Variants in ADGRB3 observed in about 807,000 individuals in gnomAD.
ADGRB3 encodes brain-specific angiogenesis inhibitor 3.
In ADGRB3, 37 loss-of-function variants were observed where a neutral mutation model predicts 193.4. The ratio of observed to expected loss-of-function variants is 0.19; its 90% CI spans 0.15 to 0.25. The LOEUF (loss-of-function observed/expected upper bound fraction) is 0.25, where lower values mean the gene tolerates loss of function less well. Among genes scored for constraint, ADGRB3 ranks in the 10% least tolerant of loss-of-function variants. The pLI is 1.00. For missense variants in ADGRB3, 1,637 were observed against 1,852.9 expected (o/e 0.88, Z 2.14); for synonymous variants, 690 against 644.2 (o/e 1.07, Z -1.08).
rs568455951 is a variant in ADGRB3 at position 69,122,717 on chromosome 6, T to C, written c.2480+46679T>C. 2.6e-5 allele frequency among the ~76,000 whole-genome samples: 4 copies of C among 152,102 alleles called. No individual in the cohort carries two copies. The East Asian group carries it at 7.8e-4, about 30-fold the overall frequency. On this transcript the variant is annotated intron_variant, in intron 17 of 31. Coordinates refer to ENST00000370598, the MANE Select transcript of ADGRB3 (RefSeq NM_001704.3). ...TGCAAGAAAGGATATTCAAGCTATT[T>C]GCTAAGACCAAGTCTATTTTTTCAG...
chr6:69,197,562 A>G (rs1704021704), intron 17 of ADGRB3, among the ~76,000 whole-genome samples: 1 of 152,070 alleles, frequency 6.6e-6, no homozygotes, highest in African/African-American at 2.4e-5. Context: ...AAGGACATAA[A>G]TACCATATCT....
chr6:69,190,302 C>A (rs1765160524), intron 17 of ADGRB3, among the ~76,000 whole-genome samples: 1 of 151,988 alleles, frequency 6.6e-6, no homozygotes, highest in South Asian at 2.1e-4. Context: ...AGGTGGAAGG[C>A]AGTAATACTG....
At chr6:69,235,722 T>C (rs1297237286) in intron 19 of ADGRB3, among the ~76,000 whole-genome samples, 1 of 151,972 alleles carries the variant, frequency 6.6e-6, no homozygotes, top group Non-Finnish European at 1.5e-5. Flanking sequence ...CAAGGGGAAG[T>C]TATTGAAAAA....
Position 69,334,546 on chromosome 6 carries a change from C to T in ADGRB3, c.3188+1538C>T, listed in dbSNP as rs140770972. ...TCTGTAACAACCTTAAATATGTAGA[C>T]TTGAACGTAGTACAAGCACAGCTTT... is the stretch of plus-strand genomic sequence containing the variant. On this transcript the variant is annotated intron_variant, in intron 24 of 31. Coordinates refer to ENST00000370598, the MANE Select transcript of ADGRB3 (RefSeq NM_001704.3). Among the ~76,000 whole-genome samples the T allele has an allele frequency of 1.9e-3, 293 of 152,284 alleles. 1 individual carries two copies. The highest frequency in any genetic ancestry group is 3.3e-3 in the Non-Finnish European group (224 of 68,010).
intron 3 of ADGRB3, among the ~76,000 whole-genome samples, chr6:68,867,471 C>A (rs1562063296): frequency 6.6e-6 from 1 of 152,208 alleles, no homozygotes; most frequent in Non-Finnish European, 1.5e-5. Flanking sequence ...TCATGGAGAA[C>A]CTCTACTAGG....
intron 3 of ADGRB3, among the ~76,000 whole-genome samples, chr6:68,917,692 C>G (rs559170586): frequency 6.6e-6 from 1 of 152,200 alleles, no homozygotes; most frequent in South Asian, 2.1e-4. Context: ...AAAAATTAAA[C>G]TAATCTCTTT....
At position 68,790,821 on chromosome 6, in the gene ADGRB3, A is replaced by C. The variant is rs1767091133; in HGVS notation, c.758-139738A>C. On this transcript the variant is annotated intron_variant, in intron 3 of 31. Coordinates refer to ENST00000370598, the MANE Select transcript of ADGRB3 (RefSeq NM_001704.3). ...ATCATCAAAGACCAATGGTAGATAAAACCACAAAGATGGGAAAAAAACAGA... is the reference window on the plus strand; with the variant it reads ...ATCATCAAAGACCAATGGTAGATAACACCACAAAGATGGGAAAAAAACAGA... Among the ~76,000 whole-genome samples, 4 of 152,130 alleles carry C rather than the reference A, an allele frequency of 2.6e-5. No homozygotes were observed. In the South Asian group the frequency reaches 8.3e-4, roughly 32 times the overall value.
intron 20 of ADGRB3, among the ~76,000 whole-genome samples, chr6:69,274,071 A>G (rs551676826): frequency 6.6e-6 from 1 of 152,342 alleles, no homozygotes; most frequent in African/African-American, 2.4e-5. Flanking sequence ...ACAAATCTCT[A>G]TTTAAACCTA....
chr6:68,889,282 G>T (rs1239955937), intron 3 of ADGRB3, among the ~76,000 whole-genome samples: 1 of 152,034 alleles, frequency 6.6e-6, no homozygotes, highest in African/African-American at 2.4e-5. Flanking sequence ...CATGATTGAA[G>T]TTATGACTGA....
chr6:69,237,821 A>G lies in ADGRB3; in HGVS notation c.2712-1303A>G, dbSNP rs986343878. Among the ~76,000 whole-genome samples, 8 of 152,036 alleles carry G rather than the reference A, an allele frequency of 5.3e-5. 1 individual carries two copies. The highest frequency in any genetic ancestry group is 1.9e-4 in the African/African-American group (8 of 41,418). ...CCCCACCCACAAAAAAGAGACAATT[A>G]ATAGTTGATGATGTCTTCAGCATCT... On this transcript the variant is annotated intron_variant, in intron 19 of 31. Transcript: ENST00000370598.
intron 21 of ADGRB3, 126 bp downstream of exon 21, chr6:69,325,148 C>T (rs1490031182): frequency 8.0e-6 from 10 of 1,248,194 alleles, no homozygotes; most frequent in Non-Finnish European, 1.1e-5. Flanking sequence ...AGTGAAAATA[C>T]ATGAGCTGGT....
intron 3 of ADGRB3, among the ~76,000 whole-genome samples, chr6:68,808,649 A>C (rs570381484): frequency 2.0e-4 from 31 of 152,292 alleles, no homozygotes; most frequent in African/African-American, 7.0e-4. Flanking sequence ...AAAATCCAAG[A>C]AATACTACAC....
chr6:68,699,962 T>C (rs1201220281), intron 3 of ADGRB3, among the ~76,000 whole-genome samples: 1 of 152,122 alleles, frequency 6.6e-6, no homozygotes, highest in Non-Finnish European at 1.5e-5. Context: ...GTGACTCAAA[T>C]CATTCCTTTA....
intron 3 of ADGRB3, among the ~76,000 whole-genome samples, chr6:68,687,726 A>T (rs1419749675): frequency 6.6e-6 from 1 of 152,190 alleles, no homozygotes; most frequent in Non-Finnish European, 1.5e-5. Context: ...CAGAGGAAAA[A>T]AACAGAAATG....
intron 13 of ADGRB3, among the ~76,000 whole-genome samples, chr6:69,043,290 G>GAGAGAAAGAAAGAAAGAAAGAA (rs1554252049): frequency 0.098 from 8,572 of 87,820 alleles, 697 homozygotes; most frequent in East Asian, 0.27. Context: ...GGAAGAAAGA[G>GAGAGAAAGAAAGAAAGAAAGAA]AGAAAGAAAG....
At chr6:69,026,743 A>G (rs1770442258) in intron 13 of ADGRB3, among the ~76,000 whole-genome samples, 1 of 152,190 alleles carries the variant, frequency 6.6e-6, no homozygotes, top group Non-Finnish European at 1.5e-5. Context: ...CCTACACAAC[A>G]TGTTACTGTA....
intron 17 of ADGRB3, among the ~76,000 whole-genome samples, chr6:69,168,380 CAAAT>C (rs1400623500): frequency 6.6e-6 from 1 of 152,074 alleles, no homozygotes; most frequent in African/African-American, 2.4e-5. Flanking sequence ...CAAAAAGCAA[CAAAT>C]AAAGTTAATT....
At chr6:68,765,959 T>G (rs1766501713) in intron 3 of ADGRB3, among the ~76,000 whole-genome samples, 1 of 152,048 alleles carries the variant, frequency 6.6e-6, no homozygotes, top group Admixed American at 6.6e-5. Flanking sequence ...TTTTTGAAAT[T>G]TTTTGGTATA....
At chr6:69,254,318 G>T (rs553603463) in intron 20 of ADGRB3, among the ~76,000 whole-genome samples, 1 of 152,068 alleles carries the variant, frequency 6.6e-6, no homozygotes, top group Admixed American at 6.6e-5. Flanking sequence ...TATTATTCAA[G>T]ACGTAAAATA....
Sources: gnomAD v4.1 joint callset for allele counts (sites outside exome capture counted in the v4.1 genomes callset) on GRCh38, gnomAD v4.1.1 for gene constraint, MANE v1.5 for transcripts, NCBI Gene and HGNC (gene_info 2026-07-23, HGNC 2026-07-21) for gene names.